The following TTC3 variants were observed in gnomAD, a reference collection of about 807,000 sequenced individuals.
The protein encoded by TTC3 is tetratricopeptide repeat domain 3.
TTC3 carries 180 observed loss-of-function variants against 249.6 expected under a neutral mutation model. The ratio of observed to expected loss-of-function variants is 0.72; its 90% CI spans 0.64 to 0.82. The LOEUF is 0.82. Among genes scored for constraint, TTC3 ranks in the 40% least tolerant of loss-of-function variants. The probability of loss-of-function intolerance (pLI) is 0.00; values close to 1 mark genes in which losing one functional copy is unlikely to be tolerated. For missense variants in TTC3, 2,061 were observed against 2,398.4 expected, an observed-to-expected ratio of 0.86 and a Z score of 2.94; for synonymous variants, 717 against 805.0, an observed-to-expected ratio of 0.89 and a Z score of 1.85.
At chr21:37,093,856 G>T in intron 7 of TTC3, 149 bp from the exon 8 acceptor site, 2 of 490,492 alleles carry the variant, frequency 4.1e-6, no homozygotes, top group Middle Eastern at 3.6e-4. Flanking sequence ...AGACATAAAA[G>T]GTTACAAGAA....
chr21:37,090,570 A>G (rs1435041401), intron 6 of TTC3: 3 of 942,618 alleles, frequency 3.2e-6, no homozygotes, highest in East Asian at 1.2e-4. Context: ...GTTTCCCCAA[A>G]TGAAATTATT....
chr21:37,185,681 A>G (rs1217934310), intron 36 of TTC3, 25 bp from the exon 37 acceptor site: 1 of 1,468,362 alleles, frequency 6.8e-7, no homozygotes, highest in Middle Eastern at 1.9e-4. Flanking sequence ...AAATTAATTA[A>G]TATTTGGTGA....
intron 20 of TTC3, among the ~76,000 whole-genome samples, chr21:37,142,960 A>G (rs555144321): frequency 6.6e-6 from 1 of 152,226 alleles, no homozygotes; most frequent in African/African-American, 2.4e-5. Flanking sequence ...CAACTATCTG[A>G]TCTTTGACAA....
At chr21:37,170,842 A>T (rs764160567) in intron 34 of TTC3, among the ~76,000 whole-genome samples, 79 of 152,202 alleles carry the variant, frequency 5.2e-4, no homozygotes, top group Admixed American at 3.3e-4. Context: ...CTACCTTCCC[A>T]TCACTCATGT....
intron 39 of TTC3, among the ~76,000 whole-genome samples, chr21:37,190,130 C>CTT (rs138862573): frequency 0.018 from 1,193 of 64,944 alleles, 146 homozygotes; most frequent in East Asian, 0.039. Context: ...CTTTTTCTTT[C>CTT]TTTTTTTTTT....
At chr21:37,082,981 A>G in intron 1 of TTC3, 5 of 985,324 alleles carry the variant, frequency 5.1e-6, no homozygotes, top group Non-Finnish European at 6.0e-6. Context: ...AGCAGTACAG[A>G]TGGCAAATGG....
At chr21:37,194,434 G>A (rs1187158318) in intron 41 of TTC3, 1 of 152,060 alleles carries the variant, frequency 6.6e-6, no homozygotes, top group Non-Finnish European at 1.5e-5. Context: ...AAGCTGATTT[G>A]GTGACCAGAT....
At chr21:37,172,874 G>T (rs753146409) in intron 35 of TTC3, 130 bp downstream of exon 35, 45 of 1,127,138 alleles carry the variant, frequency 4.0e-5, no homozygotes, top group Admixed American at 1.3e-4. Flanking sequence ...TCTCAGAATC[G>T]CCTGCTTCAG....
intron 13 of TTC3, among the ~76,000 whole-genome samples, chr21:37,124,417 C>G (rs2076896412): frequency 6.6e-6 from 1 of 152,030 alleles, no homozygotes; most frequent in African/African-American, 2.4e-5. Context: ...GCACCCAGCC[C>G]TTGACCTGTT....
intron 21 of TTC3, among the ~76,000 whole-genome samples, chr21:37,145,589 A>G (rs1478854463): frequency 6.6e-6 from 1 of 152,228 alleles, no homozygotes; most frequent in African/African-American, 2.4e-5. Flanking sequence ...AGTTAAACAT[A>G]GAGTTACCAT....
At chr21:37,155,499 T>TA (rs2079967138) in intron 27 of TTC3, among the ~76,000 whole-genome samples, 1 of 152,220 alleles carries the variant, frequency 6.6e-6, no homozygotes, top group Non-Finnish European at 1.5e-5. Context: ...TTCTGGTGTT[T>TA]AAAGATCCTA....
At chr21:37,161,647 G>T (rs1601888525) in intron 30 of TTC3, among the ~76,000 whole-genome samples, 1 of 152,200 alleles carries the variant, frequency 6.6e-6, no homozygotes, top group Non-Finnish European at 1.5e-5. Context: ...GTGAGAGAGA[G>T]TAGCAAATCT....
Position 37,132,781 on chromosome 21 carries a change from T to C in TTC3, c.1443+15T>C. On this transcript the variant is annotated intron_variant, in intron 17 of 45. Transcript: ENST00000355666. ...CTGCACACCAGGTAATGGAGAAGCT[T>C]TTCCAATGGAAAAAGCAAAACTCTT... 1 of 1,578,568 alleles carries C rather than the reference T, an allele frequency of 6.3e-7. No homozygotes were observed. The highest frequency in any genetic ancestry group is 8.6e-7 in the Non-Finnish European group (1 of 1,165,568).
At chr21:37,115,052 A>C (rs1179655952) in intron 11 of TTC3, among the ~76,000 whole-genome samples, 2 of 152,002 alleles carry the variant, frequency 1.3e-5, no homozygotes, top group Non-Finnish European at 2.9e-5. Flanking sequence ...GGGGAGAGGG[A>C]TAGCATTAGG....
chr21:37,104,588 C>CAA (rs141618903), intron 10 of TTC3, among the ~76,000 whole-genome samples: 2,074 of 104,162 alleles, frequency 0.02, 82 homozygotes, highest in African/African-American at 0.071. Context: ...AACTCCGTCT[C>CAA]AAAAAAAAAA....
chr21:37,135,484 G>T, exon 18 of TTC3: 1 of 1,614,004 alleles, frequency 6.2e-7, no homozygotes, highest in Non-Finnish European at 8.5e-7. Context: ...TTACAGAGTT[G>T]CTGAACGGTT....
chr21:37,105,861 A>G (rs1300634838), intron 10 of TTC3, among the ~76,000 whole-genome samples: 6 of 152,160 alleles, frequency 3.9e-5, no homozygotes, highest in African/African-American at 9.7e-5. Context: ...TATCCATTCT[A>G]TTGTTGATGG....
In TTC3 at chr21:37,078,071, A is replaced by G. The variant is rs931913423; in HGVS notation, c.-12+4707A>G. 7.2e-5 allele frequency among the ~76,000 whole-genome samples: 11 copies of G among 151,780 alleles called. No homozygotes were observed. In the South Asian group the frequency reaches 8.3e-4, roughly 11 times the overall value. Reference sequence around the variant, plus strand: ...TTTTTTTTTTCTCCTGTGTGGTTCTAATTATCCCTGTACCATGTATTGAAT... The same window carrying G: ...TTTTTTTTTTCTCCTGTGTGGTTCTGATTATCCCTGTACCATGTATTGAAT... On this transcript the variant is annotated intron_variant, in intron 1 of 45. Coordinates refer to ENST00000355666, the Ensembl canonical transcript of TTC3.
At chr21:37,105,927 T>A (rs1299129536) in intron 10 of TTC3, among the ~76,000 whole-genome samples, 1 of 152,202 alleles carries the variant, frequency 6.6e-6, no homozygotes, top group Non-Finnish European at 1.5e-5. Context: ...TGTGAACATA[T>A]GTATTTATTT....
Sources: allele counts gnomAD v4.1 joint callset (sites outside exome capture counted in the v4.1 genomes callset), GRCh38; gene constraint gnomAD v4.1.1; transcripts MANE v1.5; gene names NCBI Gene and HGNC (gene_info 2026-07-23, HGNC 2026-07-21).